NRCAM: variants seen among roughly 807,000 people sequenced by gnomAD.
NRCAM encodes the protein NgCAM-related cell adhesion molecule.
In NRCAM, 83 loss-of-function variants were observed where a neutral mutation model predicts 156.5. The ratio of observed to expected loss-of-function variants is 0.53; its 90% CI spans 0.44 to 0.64. The LOEUF is 0.64. Ranked by LOEUF, NRCAM falls within the 30% of genes least tolerant of loss-of-function variation. The probability of loss-of-function intolerance (pLI) is 0.00; values close to 1 mark genes in which losing one functional copy is unlikely to be tolerated. For synonymous variants in NRCAM, 538 were observed against 563.9 expected, an observed-to-expected ratio of 0.95 and a Z score of 0.65; for missense variants, 1,417 against 1,597.3, an observed-to-expected ratio of 0.89 and a Z score of 1.92.
chr7:108,276,908 G>A (rs974516772), intron 3 of NRCAM, among the ~76,000 whole-genome samples: 1 of 152,092 alleles, frequency 6.6e-6, no homozygotes, highest in African/African-American at 2.4e-5. Flanking sequence ...CTTCCTTCAG[G>A]AGCTCTTGTA....
chr7:108,288,288 G>C (rs527511471), intron 3 of NRCAM, among the ~76,000 whole-genome samples: 1 of 152,122 alleles, frequency 6.6e-6, no homozygotes, highest in East Asian at 1.9e-4. Flanking sequence ...TATTGGGTAC[G>C]ATGTTCACTA....
intron 7 of NRCAM, 80 bp downstream of exon 7, chr7:108,232,246 T>C (rs2094429616): frequency 1.9e-6 from 2 of 1,027,762 alleles, no homozygotes; most frequent in African/African-American, 3.2e-5. Context: ...TGTTGAATAG[T>C]ATTTGGATGA....
At chr7:108,204,720 TG>T (rs2080144283) in intron 13 of NRCAM, among the ~76,000 whole-genome samples, 5 of 152,184 alleles carry the variant, frequency 3.3e-5, no homozygotes, top group Admixed American at 3.3e-4. Flanking sequence ...ATAGGAGCTA[TG>T]GAATTCCAGC....
intron 3 of NRCAM, among the ~76,000 whole-genome samples, chr7:108,241,405 C>T (rs2095519546): frequency 6.6e-6 from 1 of 152,170 alleles, no homozygotes; most frequent in Non-Finnish European, 1.5e-5. Context: ...TAATCATGTC[C>T]TCTCATTCAT....
chr7:108,183,044 A>G, intron 22 of NRCAM, 124 bp from the exon 23 acceptor site: 1 of 775,458 alleles, frequency 1.3e-6, no homozygotes, highest in Non-Finnish European at 2.1e-6. Context: ...AACACAAGCT[A>G]TTAACCATTT....
At chr7:108,278,642 TC>T (rs1465650655) in intron 3 of NRCAM, among the ~76,000 whole-genome samples, 2 of 152,154 alleles carry the variant, frequency 1.3e-5, no homozygotes, top group African/African-American at 4.8e-5. Flanking sequence ...AGCATACCGT[TC>T]CTCCAGATAC....
intron 24 of NRCAM, among the ~76,000 whole-genome samples, chr7:108,180,763 A>C (rs2062993333): frequency 1.3e-5 from 2 of 152,256 alleles, no homozygotes; most frequent in South Asian, 4.1e-4. Flanking sequence ...CTTGTATAAA[A>C]TATTCTAAAA....
At chr7:108,256,994 G>A (rs1295018034) in intron 3 of NRCAM, among the ~76,000 whole-genome samples, 1 of 132,188 alleles carries the variant, frequency 7.6e-6, no homozygotes, top group African/African-American at 2.8e-5. Context: ...GGGTGGCAAA[G>A]GAAGACTGTC....
chr7:108,171,987 C>A, intron 28 of NRCAM, among the ~76,000 whole-genome samples: 1 of 152,206 alleles, frequency 6.6e-6, no homozygotes, highest in East Asian at 1.9e-4. Flanking sequence ...CCTCAATGCT[C>A]TTCTCTGCTC....
chr7:108,248,669 G>A (rs899143414), intron 3 of NRCAM, among the ~76,000 whole-genome samples: 3 of 152,136 alleles, frequency 2.0e-5, no homozygotes, highest in African/African-American at 7.2e-5. Context: ...CTCAACAAAT[G>A]TCTTCCAAAG....
chr7:108,345,253 T>C (rs1215966731), intron 2 of NRCAM, among the ~76,000 whole-genome samples: 1 of 152,196 alleles, frequency 6.6e-6, no homozygotes, highest in Non-Finnish European at 1.5e-5. Context: ...GGCAAGTTAC[T>C]CAACTCAGAA....
chr7:108,157,649 T>C (rs1011486754), intron 32 of NRCAM, among the ~76,000 whole-genome samples: 3 of 152,142 alleles, frequency 2.0e-5, no homozygotes, highest in East Asian at 1.9e-4. Context: ...GCTTCCAGTA[T>C]ACCATCACCC....
At chr7:108,195,701 G>T in intron 15 of NRCAM, 60 bp downstream of exon 15, 3 of 901,294 alleles carry the variant, frequency 3.3e-6, no homozygotes, top group South Asian at 1.4e-5. Flanking sequence ...AACATATTTA[G>T]AATATGAAGC....
chr7:108,237,534 G>T (rs1485749537), intron 5 of NRCAM, among the ~76,000 whole-genome samples: 1 of 152,196 alleles, frequency 6.6e-6, no homozygotes, highest in Non-Finnish European at 1.5e-5. Flanking sequence ...ACTGGTAAAA[G>T]AAAGAGTAAT....
chr7:108,450,409 C>T (rs975470605), intron 1 of NRCAM, among the ~76,000 whole-genome samples: 7 of 151,986 alleles, frequency 4.6e-5, no homozygotes, highest in Non-Finnish European at 7.4e-5. Context: ...TTTTTATTAG[C>T]TCAGCTAAGC....
At chr7:108,195,679 TGAATAAAACC>T in intron 15 of NRCAM, 72 bp downstream of exon 15, 1 of 779,046 alleles carries the variant, frequency 1.3e-6, no homozygotes, top group Admixed American at 2.3e-5. Context: ...GTTTGTTTTT[TGAATAAAACC>T]CAACATATTT....
At position 108,194,298 on chromosome 7, in the gene NRCAM, C is replaced by G; in HGVS notation, c.1594G>C (p.Gly532Arg). 3 of 1,612,866 alleles carry G rather than the reference C, an allele frequency of 1.9e-6. No individual in the cohort carries two copies. The highest frequency in any genetic ancestry group is 2.5e-6 in the Non-Finnish European group (3 of 1,179,072). ...AAGTGAACTTCATTCTTCGCCATCC[C>G]TAATTTATTCCTTGCAACACACGTA... Reference protein sequence around the residue: ...TYTCVARNKLGMAKNEVHLEI... With the variant: ...TYTCVARNKLRMAKNEVHLEI... The change falls in exon 16 of 33, where the codon GGG becomes CGG. Residue 532 changes from glycine (G) to arginine (R), a missense_variant. By Grantham distance (125) the Gly-to-Arg change is moderately radical. This residue lies in a region of NRCAM where 1,238 missense variants were observed against 1,336.4 expected (regional missense o/e 0.93). Transcript: ENST00000379028.
chr7:108,369,256 A>G (rs1479949317), intron 2 of NRCAM, among the ~76,000 whole-genome samples: 1 of 152,102 alleles, frequency 6.6e-6, no homozygotes, highest in Non-Finnish European at 1.5e-5. Context: ...CATCTAATTT[A>G]TAAGTGTATC....
intron 1 of NRCAM, among the ~76,000 whole-genome samples, chr7:108,404,212 C>T (rs1302107960): frequency 1.3e-5 from 2 of 151,634 alleles, no homozygotes; most frequent in Admixed American, 6.6e-5. Context: ...GTGAATTTCA[C>T]GCCATCTCTG....
Sources: gnomAD v4.1 joint callset for allele counts (sites outside exome capture counted in the v4.1 genomes callset) on GRCh38, gnomAD v4.1.1 for gene constraint, gnomAD v4.1.1 regional missense constraint, MANE v1.5 for transcripts, NCBI Gene and HGNC (gene_info 2026-07-23, HGNC 2026-07-21) for gene names.